Variants in KLHL1 observed in about 807,000 individuals in gnomAD.
KLHL1 encodes kelch like family member 1.
A neutral mutation model predicts 77.7 loss-of-function variants in KLHL1; 47 were observed. That is an observed-to-expected ratio of 0.60 (90% CI 0.48 to 0.77). The LOEUF is 0.77. Ranked by LOEUF, KLHL1 falls within the 30% of genes least tolerant of loss-of-function variation. The pLI is 0.00. For missense variants in KLHL1, 925 were observed against 910.8 expected, an observed-to-expected ratio of 1.02 and a Z score of -0.20; for synonymous variants, 360 against 325.2, an observed-to-expected ratio of 1.11 and a Z score of -1.15.
At chr13:70,065,700 G>A (rs1335409117) in intron 1 of KLHL1, among the ~76,000 whole-genome samples, 1 of 152,142 alleles carries the variant, frequency 6.6e-6, no homozygotes, top group Non-Finnish European at 1.5e-5. Flanking sequence ...AAACTGTAAA[G>A]AGGAGTAATG....
intron 7 of KLHL1, among the ~76,000 whole-genome samples, chr13:69,754,154 T>G (rs1425585063): frequency 6.6e-6 from 1 of 152,090 alleles, no homozygotes; most frequent in Admixed American, 6.6e-5. Flanking sequence ...AAATTAATAT[T>G]CTGAATGTAC....
intron 1 of KLHL1, among the ~76,000 whole-genome samples, chr13:70,012,417 C>G (rs1358811310): frequency 4.6e-5 from 7 of 151,930 alleles, no homozygotes; most frequent in African/African-American, 1.5e-4. Context: ...TTTATTGACA[C>G]AAATTTAACT....
intron 4 of KLHL1, among the ~76,000 whole-genome samples, chr13:69,898,267 A>G (rs1881718620): frequency 6.6e-6 from 1 of 152,208 alleles, no homozygotes; most frequent in Non-Finnish European, 1.5e-5. Context: ...TGAAATGTAG[A>G]GCCCTGCAAA....
intron 4 of KLHL1, among the ~76,000 whole-genome samples, chr13:69,888,215 T>C (rs529989557): frequency 6.6e-6 from 1 of 152,250 alleles, no homozygotes; most frequent in Admixed American, 6.5e-5. Flanking sequence ...GGCAGAGCCC[T>C]TATGACCCAA....
At chr13:69,911,847 T>G (rs1343171148) in intron 4 of KLHL1, among the ~76,000 whole-genome samples, 1 of 152,188 alleles carries the variant, frequency 6.6e-6, no homozygotes, top group Admixed American at 6.5e-5. Flanking sequence ...ACTTGTGACA[T>G]TCCTTCAAGG....
intron 4 of KLHL1, among the ~76,000 whole-genome samples, chr13:69,934,997 TATAC>T (rs1447377843): frequency 6.1e-5 from 9 of 147,410 alleles, no homozygotes; most frequent in African/African-American, 2.2e-4. Flanking sequence ...TATGTATATA[TATAC>T]ATATTATCAT....
intron 6 of KLHL1, among the ~76,000 whole-genome samples, chr13:69,818,217 A>ATTTTTTTTTTTTTTTTTTTTTTTT (rs1878195724): frequency 2.4e-5 from 3 of 124,422 alleles, no homozygotes; most frequent in African/African-American, 1.2e-4. Flanking sequence ...ACTCATAGGC[A>ATTTTTTTTTTTTTTTTTTTTTTTT]TCTTTTTTTT....
chr13:70,061,282 A>T (rs1372233221), intron 1 of KLHL1, among the ~76,000 whole-genome samples: 2 of 152,052 alleles, frequency 1.3e-5, no homozygotes, highest in Non-Finnish European at 2.9e-5. Context: ...CACAGGACTC[A>T]CAATTAAAAG....
chr13:70,089,143 G>T (rs1211875805), intron 1 of KLHL1, among the ~76,000 whole-genome samples: 1 of 152,100 alleles, frequency 6.6e-6, no homozygotes, highest in Non-Finnish European at 1.5e-5. Flanking sequence ...GGAATCTGTT[G>T]CTATTACTTC....
intron 1 of KLHL1, among the ~76,000 whole-genome samples, chr13:70,087,527 G>T (rs971636020): frequency 2.1e-5 from 3 of 145,754 alleles, no homozygotes; most frequent in Non-Finnish European, 3.0e-5. Flanking sequence ...CAGATGAAAA[G>T]ATTTTTAAAA....
At position 70,084,461 on chromosome 13, in the gene KLHL1, C is replaced by CTTTTTTTTTTTTTTTTTTTTTTTT. The variant is rs1324246935; in HGVS notation, c.497+22741_497+22742insAAAAAAAAAAAAAAAAAAAAAAAA. On this transcript the variant is annotated intron_variant, in intron 1 of 10. Transcript: ENST00000377844. The stretch of plus-strand genomic sequence containing the variant: ...GATATTTTCTAGTCTATTTCTTCTT[C>CTTTTTTTTTTTTTTTTTTTTTTTT]TTCTTTTTTTTTTTTTGAGACGGAG... Among the ~76,000 whole-genome samples the CTTTTTTTTTTTTTTTTTTTTTTTT allele has an allele frequency of 7.8e-5, 9 of 115,100 alleles. 1 individual carries two copies. The highest frequency in any genetic ancestry group is 1.0e-4 in the Non-Finnish European group (6 of 58,438). 75.5% of individuals were successfully genotyped at this position (115,100 alleles called of 152,430 possible).
intron 1 of KLHL1, among the ~76,000 whole-genome samples, chr13:70,073,470 C>A (rs1887185268): frequency 6.6e-6 from 1 of 151,980 alleles, no homozygotes; most frequent in Admixed American, 6.6e-5. Context: ...TGATGAGTTA[C>A]TGGGTGCAGC....
At chr13:69,789,746 C>T (rs80216038) in intron 7 of KLHL1, among the ~76,000 whole-genome samples, 2,615 of 152,254 alleles carry the variant, frequency 0.017, 25 homozygotes, top group Middle Eastern at 0.031. Context: ...ACTTCTCCTT[C>T]CTCACCTTGA....
At chr13:70,075,569 G>GTGTGTATA (rs761519216) in intron 1 of KLHL1, among the ~76,000 whole-genome samples, 2 of 106,676 alleles carry the variant, frequency 1.9e-5, no homozygotes, top group Admixed American at 9.9e-5. Context: ...GTGTGTATGT[G>GTGTGTATA]TATATATATA....
intron 1 of KLHL1, among the ~76,000 whole-genome samples, chr13:69,991,693 G>A (rs1254770282): frequency 2.6e-5 from 4 of 151,702 alleles, no homozygotes; most frequent in Admixed American, 2.6e-4. Context: ...AAAAAGCCTG[G>A]GACCAGATGG....
chr13:69,831,484 G>A (rs1487560337), intron 6 of KLHL1, among the ~76,000 whole-genome samples: 1 of 149,550 alleles, frequency 6.7e-6, no homozygotes. Flanking sequence ...AGAAGTCCAG[G>A]ACCCAGTGGA....
intron 7 of KLHL1, among the ~76,000 whole-genome samples, chr13:69,746,455 T>C (rs1336390005): frequency 6.6e-6 from 1 of 152,024 alleles, no homozygotes; most frequent in Non-Finnish European, 1.5e-5. Flanking sequence ...ATATAAACTC[T>C]GATTTATCTA....
intron 4 of KLHL1, among the ~76,000 whole-genome samples, chr13:69,907,029 C>T (rs898002994): frequency 5.9e-5 from 9 of 151,864 alleles, no homozygotes; most frequent in African/African-American, 2.2e-4. Context: ...TCAAACTTTC[C>T]TTTAAATCTT....
chr13:70,015,171 G>T (rs944955476), intron 1 of KLHL1, among the ~76,000 whole-genome samples: 3 of 152,004 alleles, frequency 2.0e-5, no homozygotes, highest in Non-Finnish European at 2.9e-5. Context: ...ATGTTTTTAG[G>T]CAATTTCATC....
Sources: gnomAD v4.1 joint callset for allele counts (sites outside exome capture counted in the v4.1 genomes callset) on GRCh38, gnomAD v4.1.1 for gene constraint, MANE v1.5 for transcripts, NCBI Gene and HGNC (gene_info 2026-07-23, HGNC 2026-07-21) for gene names.